RBFOX1: variants seen among roughly 807,000 people sequenced by gnomAD.
RBFOX1 encodes the protein RNA binding fox-1 homolog 1.
In RBFOX1, 8 loss-of-function variants were observed where a neutral mutation model predicts 57.7. That is an observed-to-expected ratio of 0.14 (90% CI 0.08 to 0.25). RBFOX1 has a LOEUF of 0.25. Among genes scored for constraint, RBFOX1 ranks in the 10% least tolerant of loss-of-function variants. RBFOX1 has a pLI of 1.00. For missense variants in RBFOX1, 611 were observed against 548.5 expected, an observed-to-expected ratio of 1.11 and a Z score of -1.14; for synonymous variants, 326 against 222.4, an observed-to-expected ratio of 1.47 and a Z score of -4.15.
chr16:5,852,172 G>T (rs1189639058), intron 3 of RBFOX1, among the ~76,000 whole-genome samples: 1 of 152,190 alleles, frequency 6.6e-6, no homozygotes, highest in Non-Finnish European at 1.5e-5. Flanking sequence ...TGCAGGGAAA[G>T]CTTCCTTATC....
chr16:7,001,119 C>T lies in RBFOX1; in HGVS notation c.-15-50938C>T, dbSNP rs80287355. Among the ~76,000 whole-genome samples, 1,063 of 152,196 alleles carry T rather than the reference C, an allele frequency of 7.0e-3. 15 individuals carry two copies. The highest frequency in any genetic ancestry group is 0.024 in the African/African-American group (997 of 41,538). ...GTGAGAAAAATAGGGGCATCTGTAT[C>T]TTCCTTCATTTTTTTCCAGTTTTCA... On this transcript the variant is annotated intron_variant, in intron 3 of 15. Coordinates refer to ENST00000550418, the MANE Select transcript of RBFOX1 (RefSeq NM_018723.4).
chr16:5,481,296 C>A lies in RBFOX1; in HGVS notation c.258+14042C>A, dbSNP rs575767816. On this transcript the variant is annotated intron_variant, in intron 2 of 2. Transcript: ENST00000585867. ...AGCATAATGTCTGGTTTCTTGTTGA[C>A]ACCCATGACCTATTTCCTTGGAATT... Among the ~76,000 whole-genome samples the A allele has an allele frequency of 1.2e-4, 18 of 152,288 alleles. No homozygotes were observed. In the South Asian group the frequency reaches 3.3e-3, roughly 28 times the overall value.
At chr16:7,698,417 T>C (rs1375320654) in intron 14 of RBFOX1, among the ~76,000 whole-genome samples, 3 of 152,082 alleles carry the variant, frequency 2.0e-5, no homozygotes, top group Non-Finnish European at 4.4e-5. Flanking sequence ...GCAAAAGCTG[T>C]TGAAACTGTT....
At chr16:7,664,727 G>A in intron 12 of RBFOX1, 1 of 831,860 alleles carries the variant, frequency 1.2e-6, no homozygotes, top group Non-Finnish European at 1.8e-6. Context: ...CTAATTCTGG[G>A]CCAACACCAA....
intron 2 of RBFOX1, among the ~76,000 whole-genome samples, chr16:6,392,447 A>C (rs552979690): frequency 6.6e-6 from 1 of 152,340 alleles, no homozygotes; most frequent in Non-Finnish European, 1.5e-5. Flanking sequence ...ATTCAAGATT[A>C]TGTATTTCTA....
At position 6,864,992 on chromosome 16, in the gene RBFOX1, TTTC is replaced by T. The variant is rs756852310; in HGVS notation, c.-15-187062_-15-187060del. On this transcript the variant is annotated intron_variant, in intron 3 of 15. Transcript: ENST00000550418. ...GCCAATGTTGGAGTGGGTTTTTCTTTTTCTTTTTTTTTTTTTTTTTTTTTTTTG... is the reference window on the plus strand; with the variant it reads ...GCCAATGTTGGAGTGGGTTTTTCTTTTTTTTTTTTTTTTTTTTTTTTTTTG... Among the ~76,000 whole-genome samples, 795 of 83,454 alleles carry T rather than the reference TTTC, an allele frequency of 9.5e-3. 18 individuals are homozygous for T. The highest frequency in any genetic ancestry group is 0.035 in the African/African-American group (519 of 14,904). The allele number at this position is 83,454 out of a possible 152,430, so 54.7% of individuals were successfully genotyped here. A position where few individuals can be genotyped will look rare whatever the true frequency, so the allele number is the denominator to read the frequency against.
intron 5 of RBFOX1, among the ~76,000 whole-genome samples, chr16:7,528,936 A>G (rs931721590): frequency 1.3e-5 from 2 of 152,196 alleles, no homozygotes; most frequent in African/African-American, 2.4e-5. Flanking sequence ...CTCGTTGCAC[A>G]TATTTAAAAA....
intron 1 of RBFOX1, among the ~76,000 whole-genome samples, chr16:6,063,502 CACA>C (rs1276836977): frequency 7.2e-4 from 24 of 33,438 alleles, no homozygotes; most frequent in Non-Finnish European, 1.6e-3. Flanking sequence ...CACACACACA[CACA>C]CCCCCTTATA....
intron 3 of RBFOX1, among the ~76,000 whole-genome samples, chr16:6,790,927 A>G (rs140691415): frequency 0.014 from 2,187 of 151,180 alleles, 29 homozygotes; most frequent in African/African-American, 0.028. Flanking sequence ...TTTTTTTGCA[A>G]TGGGGTCTGA....
intron 4 of RBFOX1, among the ~76,000 whole-genome samples, chr16:7,396,235 C>G (rs188648937): frequency 6.9e-4 from 105 of 152,244 alleles, no homozygotes; most frequent in African/African-American, 2.5e-3. Context: ...TGTGGCAGTA[C>G]AACTGTCTAC....
intron 14 of RBFOX1, among the ~76,000 whole-genome samples, chr16:7,684,350 G>T (rs933837233): frequency 4.6e-5 from 7 of 152,082 alleles, no homozygotes; most frequent in African/African-American, 1.4e-4. Context: ...AATTTGAGGG[G>T]ATGGGAGTCT....
chr16:6,685,644 C>G (rs573456799), intron 3 of RBFOX1, among the ~76,000 whole-genome samples: 35 of 152,052 alleles, frequency 2.3e-4, no homozygotes, highest in African/African-American at 8.0e-4. Flanking sequence ...TTGCTAGTTA[C>G]ACAAAAGTCA....
intron 2 of RBFOX1, among the ~76,000 whole-genome samples, chr16:5,571,538 C>A (rs7187170): frequency 0.42 from 63,090 of 151,850 alleles, 13,508 homozygotes; most frequent in East Asian, 0.53. Context: ...AAGGCTGTAC[C>A]ATCAAACAAC....
intron 2 of RBFOX1, among the ~76,000 whole-genome samples, chr16:6,380,865 G>A (rs2091742307): frequency 6.6e-6 from 1 of 152,152 alleles, no homozygotes; most frequent in African/African-American, 2.4e-5. Flanking sequence ...ACATACCGTT[G>A]CCAACATAGG....
intron 2 of RBFOX1, among the ~76,000 whole-genome samples, chr16:6,525,290 C>G (rs1266201627): frequency 1.3e-5 from 2 of 152,172 alleles, no homozygotes; most frequent in African/African-American, 4.8e-5. Context: ...AAATCCTAAA[C>G]TTACTGGGGA....
At position 7,252,376 on chromosome 16, in the gene RBFOX1, G is replaced by T. The variant is rs72769214; in HGVS notation, c.27+200278G>T. On this transcript the variant is annotated intron_variant, in intron 4 of 15. Coordinates refer to ENST00000550418, the MANE Select transcript of RBFOX1 (RefSeq NM_018723.4). ...CTGTGCTTGCTCATTACAAGTAAAGGTTACACATCTGGCTGGGGCAGAGGT... is the reference window on the plus strand; with the variant it reads ...CTGTGCTTGCTCATTACAAGTAAAGTTTACACATCTGGCTGGGGCAGAGGT... Among the ~76,000 whole-genome samples, 950 of 152,322 alleles carry T rather than the reference G, an allele frequency of 6.2e-3. 6 individuals carry two copies. The highest frequency in any genetic ancestry group is 8.3e-3 in the Non-Finnish European group (564 of 68,026).
At chr16:5,745,849 G>C (rs779176454) in intron 3 of RBFOX1, among the ~76,000 whole-genome samples, 2 of 152,188 alleles carry the variant, frequency 1.3e-5, no homozygotes, top group East Asian at 1.9e-4. Flanking sequence ...CCCTTTGGCA[G>C]ATGAGTAGAT....
At chr16:7,528,862 T>G (rs1247192216) in intron 5 of RBFOX1, among the ~76,000 whole-genome samples, 1 of 152,238 alleles carries the variant, frequency 6.6e-6, no homozygotes, top group East Asian at 1.9e-4. Context: ...GTTTCAGGAA[T>G]GGCTCAGCCA....
chr16:6,081,787 T>A (rs8052082), intron 1 of RBFOX1, among the ~76,000 whole-genome samples: 29,072 of 152,104 alleles, frequency 0.19, 4,693 homozygotes, highest in African/African-American at 0.42. Context: ...AACAGCCGTG[T>A]GCCTCTCTTT....
Sources: gnomAD v4.1 joint callset for allele counts (sites outside exome capture counted in the v4.1 genomes callset) on GRCh38, gnomAD v4.1.1 for gene constraint, MANE v1.5 for transcripts, NCBI Gene and HGNC (gene_info 2026-07-23, HGNC 2026-07-21) for gene names.